The following GABBR2 variants were observed in gnomAD, a reference collection of about 807,000 sequenced individuals.
GABBR2 encodes gamma-aminobutyric acid type B receptor subunit 2, also known as G-protein coupled receptor 51.
Under a neutral mutation model 105.6 loss-of-function variants are expected in GABBR2, and 23 were observed. The observed-to-expected ratio is 0.22, with a 90% CI of 0.16 to 0.31. The LOEUF (loss-of-function observed/expected upper bound fraction) is 0.31, where lower values mean the gene tolerates loss of function less well. GABBR2 is among the 10% of genes least tolerant of loss of function. The pLI is 1.00. For synonymous variants in GABBR2, 478 were observed against 499.7 expected, an observed-to-expected ratio of 0.96 and a Z score of 0.58; for missense variants, 734 against 1,245.5, an observed-to-expected ratio of 0.59 and a Z score of 6.18.
chr9:98,364,518 G>A (rs1328618668), intron 12 of GABBR2, among the ~76,000 whole-genome samples: 1 of 151,834 alleles, frequency 6.6e-6, no homozygotes, highest in African/African-American at 2.4e-5. Flanking sequence ...TTTAAAAGCT[G>A]AGCACCAGAA....
intron 14 of GABBR2, among the ~76,000 whole-genome samples, chr9:98,307,628 T>C (rs1830571854): frequency 6.6e-6 from 1 of 152,184 alleles, no homozygotes; most frequent in Non-Finnish European, 1.5e-5. Context: ...TGGAATCTGC[T>C]CTGCCATCTG....
At chr9:98,442,347 T>TA (rs1335560719) in intron 7 of GABBR2, among the ~76,000 whole-genome samples, 2 of 152,228 alleles carry the variant, frequency 1.3e-5, no homozygotes, top group African/African-American at 4.8e-5. Flanking sequence ...CTCATTGGTT[T>TA]ATTTCCACAT....
At chr9:98,541,752 C>T in intron 3 of GABBR2, 121 bp downstream of exon 3, 2 of 847,582 alleles carry the variant, frequency 2.4e-6, no homozygotes, top group Admixed American at 2.7e-5. Flanking sequence ...TTTGATCGCA[C>T]TAACCAACAC....
At chr9:98,698,391 A>T (rs1243814946) in intron 1 of GABBR2, among the ~76,000 whole-genome samples, 1 of 152,232 alleles carries the variant, frequency 6.6e-6, no homozygotes, top group Non-Finnish European at 1.5e-5. Context: ...AATCGGCAAA[A>T]GAATGCCCCC....
intron 11 of GABBR2, among the ~76,000 whole-genome samples, chr9:98,374,679 CA>C (rs1588128328): frequency 1.3e-5 from 2 of 152,218 alleles, no homozygotes; most frequent in African/African-American, 4.8e-5. Context: ...GCATTTCACA[CA>C]TGTGGTCGCT....
chr9:98,676,658 C>T (rs1830480793), intron 1 of GABBR2, among the ~76,000 whole-genome samples: 1 of 152,160 alleles, frequency 6.6e-6, no homozygotes, highest in South Asian at 2.1e-4. Context: ...CCTATTGCAA[C>T]TACTTCAATG....
chr9:98,547,969 C>T lies in GABBR2; in HGVS notation c.460-5926G>A, dbSNP rs146760360. 6.7e-4 allele frequency among the ~76,000 whole-genome samples: 81 copies of T among 121,588 alleles called. 33 individuals are homozygous for T. In the East Asian group the frequency reaches 0.028, roughly 43 times the overall value. 79.8% of individuals were successfully genotyped at this position (121,588 alleles called of 152,430 possible). A position where few individuals can be genotyped will look rare whatever the true frequency, so the allele number is the denominator to read the frequency against. ...AATTTTTCATGATCATCTCCCTTTTCGCCCCATCCTCCAATTGCAGGCTAT... is the reference window on the plus strand; with the variant it reads ...AATTTTTCATGATCATCTCCCTTTTTGCCCCATCCTCCAATTGCAGGCTAT... On this transcript the variant is annotated intron_variant, in intron 2 of 18. Coordinates refer to ENST00000259455, the MANE Select transcript of GABBR2 (RefSeq NM_005458.8).
chr9:98,394,397 G>T, intron 8 of GABBR2, 142 bp from the exon 9 acceptor site: 1 of 643,476 alleles, frequency 1.6e-6, no homozygotes, highest in South Asian at 1.9e-5. Flanking sequence ...CTTCTGGTTA[G>T]AATCACAAAA....
chr9:98,642,830 C>T (rs893749255), intron 1 of GABBR2, among the ~76,000 whole-genome samples: 7 of 152,232 alleles, frequency 4.6e-5, no homozygotes, highest in Middle Eastern at 3.4e-3. Flanking sequence ...ATTTGAAAAG[C>T]GCTTCTCAGG....
intron 1 of GABBR2, among the ~76,000 whole-genome samples, chr9:98,671,329 C>T (rs1313036908): frequency 6.6e-6 from 1 of 152,164 alleles, no homozygotes; most frequent in Non-Finnish European, 1.5e-5. Context: ...CATCAGTACT[C>T]CATTCCTTTT....
At chr9:98,390,934 C>T (rs775215450) in intron 9 of GABBR2, among the ~76,000 whole-genome samples, 8 of 152,148 alleles carry the variant, frequency 5.3e-5, no homozygotes, top group African/African-American at 1.7e-4. Context: ...GATGGCTCCA[C>T]AAGGGGTATT....
intron 8 of GABBR2, among the ~76,000 whole-genome samples, chr9:98,403,963 C>G (rs999208692): frequency 6.6e-6 from 1 of 151,624 alleles, no homozygotes; most frequent in Non-Finnish European, 1.5e-5. Flanking sequence ...GTGGGTCGAC[C>G]CACAAAGCGC....
chr9:98,648,931 G>A lies in GABBR2; in HGVS notation c.321+59486C>T, dbSNP rs373024103. On this transcript the variant is annotated intron_variant, in intron 1 of 18. Coordinates refer to ENST00000259455, the MANE Select transcript of GABBR2 (RefSeq NM_005458.8). ...CCTGGTGATAATTCCCCAATTTCTAGGCATCTGAGTTACTTTCCATTTTCC... is the reference window on the plus strand; with the variant it reads ...CCTGGTGATAATTCCCCAATTTCTAAGCATCTGAGTTACTTTCCATTTTCC... Among the ~76,000 whole-genome samples the A allele has an allele frequency of 2.8e-4, 42 of 152,242 alleles. 2 individuals are homozygous for A. In the South Asian group the frequency reaches 8.5e-3, roughly 31 times the overall value.
chr9:98,600,288 G>A (rs1829307184), intron 1 of GABBR2, among the ~76,000 whole-genome samples: 1 of 152,144 alleles, frequency 6.6e-6, no homozygotes, highest in South Asian at 2.1e-4. Context: ...CTGCTGGGCA[G>A]AGCACTTCTT....
intron 16 of GABBR2, chr9:98,302,890 T>G (rs1588089269): frequency 4.0e-6 from 1 of 249,940 alleles, no homozygotes; most frequent in Non-Finnish European, 7.6e-6. Context: ...GCTGGGAGAG[T>G]GAAAAACTGA....
rs10623958 is a variant in GABBR2 at position 98,448,919 on chromosome 9, T to TAAA, written c.1236+5059_1236+5061dup. On this transcript the variant is annotated intron_variant, in intron 7 of 18. Transcript: ENST00000259455. Reference sequence around the variant, plus strand: ...AAGAGACTGGAAACTGGAAAGAGTTTAAAAAAAAAAAAAAAGATCACCTGA... The same window carrying TAAA: ...AAGAGACTGGAAACTGGAAAGAGTTTAAAAAAAAAAAAAAAAAAGATCACCTGA... 5.0e-4 allele frequency among the ~76,000 whole-genome samples: 74 copies of TAAA among 146,566 alleles called. 1 individual carries two copies. In the South Asian group the frequency reaches 8.7e-3, roughly 17 times the overall value.
At chr9:98,322,471 C>G (rs981043682) in intron 13 of GABBR2, among the ~76,000 whole-genome samples, 1 of 152,094 alleles carries the variant, frequency 6.6e-6, no homozygotes, top group Non-Finnish European at 1.5e-5. Flanking sequence ...CAACCCATTC[C>G]TCCTCTATGT....
chr9:98,467,254 T>C (rs944030421), intron 6 of GABBR2, among the ~76,000 whole-genome samples: 1 of 152,142 alleles, frequency 6.6e-6, no homozygotes, highest in African/African-American at 2.4e-5. Flanking sequence ...AGGAGAGGTA[T>C]GGATGTTGGT....
At chr9:98,681,062 T>C (rs1299066878) in intron 1 of GABBR2, among the ~76,000 whole-genome samples, 3 of 151,654 alleles carry the variant, frequency 2.0e-5, no homozygotes, top group Non-Finnish European at 2.9e-5. Context: ...GAACTAGAAA[T>C]ACCATTTGAC....
Sources: allele counts gnomAD v4.1 joint callset (sites outside exome capture counted in the v4.1 genomes callset), GRCh38; gene constraint gnomAD v4.1.1; transcripts MANE v1.5; gene names NCBI Gene and HGNC (gene_info 2026-07-23, HGNC 2026-07-21).